The following RBMS2 variants were observed in gnomAD, a reference collection of about 807,000 sequenced individuals.
RBMS2 encodes RNA-binding motif, single-stranded-interacting protein 2.
RBMS2 carries 38 observed loss-of-function variants against 58.4 expected under a neutral mutation model. The ratio of observed to expected loss-of-function variants is 0.65; its 90% CI spans 0.50 to 0.85. The LOEUF is 0.85. RBMS2 is among the 40% of genes least tolerant of loss of function. The pLI is 0.00. For synonymous variants in RBMS2, 151 were observed against 180.7 expected (o/e 0.84, Z 1.32); for missense variants, 367 against 503.7 (o/e 0.73, Z 2.60).
At position 56,581,525 on chromosome 12, in the gene RBMS2, G is replaced by A. The variant is rs774595089; in HGVS notation, c.732+17G>A. 41 of 1,597,154 alleles carry A rather than the reference G, an allele frequency of 2.6e-5. No individual in the cohort carries two copies. The Admixed American group carries it at 6.8e-4, about 27-fold the overall frequency. The stretch of plus-strand genomic sequence containing the variant: ...GCAGACATGGTAAGAGGACCTCTGA[G>A]GAGACAGGAGTACTAACGACATTAA... On this transcript the variant is annotated intron_variant, in intron 7 of 13. Coordinates refer to ENST00000262031, the MANE Select transcript of RBMS2 (RefSeq NM_002898.4).
chr12:56,521,426 T>TGAA (rs1454049019), upstream of RBMS2, among the ~76,000 whole-genome samples: 1 of 31,638 alleles, frequency 3.2e-5, no homozygotes, highest in African/African-American at 6.8e-5. Flanking sequence ...AAACTCTGTC[T>TGAA]CAAAAAAAAA....
chr12:56,552,614 T>G (rs568276877), intron 1 of RBMS2, among the ~76,000 whole-genome samples: 3 of 152,072 alleles, frequency 2.0e-5, no homozygotes, highest in African/African-American at 7.2e-5. Context: ...ATCCCAACAC[T>G]TTGGGAGGCG....
At chr12:56,565,701 C>G (rs996928132) in intron 2 of RBMS2, among the ~76,000 whole-genome samples, 1 of 152,086 alleles carries the variant, frequency 6.6e-6, no homozygotes, top group Non-Finnish European at 1.5e-5. Context: ...GGGAGTTAAG[C>G]CTTTCTAGGA....
chr12:56,567,558 TG>T (rs1007153908), intron 2 of RBMS2, among the ~76,000 whole-genome samples: 2 of 152,124 alleles, frequency 1.3e-5, no homozygotes, highest in Non-Finnish European at 2.9e-5. Flanking sequence ...TTCTTAGAGC[TG>T]GGCATGGTGG....
At chr12:56,575,559 AC>A (rs910888508) in intron 5 of RBMS2, among the ~76,000 whole-genome samples, 3 of 132,340 alleles carry the variant, frequency 2.3e-5, no homozygotes, top group African/African-American at 8.6e-5. Context: ...TTACCCCTAC[AC>A]CCCCCCTCAA....
intron 4 of RBMS2, among the ~76,000 whole-genome samples, chr12:56,570,799 G>A (rs1191755134): frequency 6.6e-6 from 1 of 152,104 alleles, no homozygotes; most frequent in Non-Finnish European, 1.5e-5. Context: ...GGATGGTCTC[G>A]ATCTCCTGAC....
At position 56,590,017 on chromosome 12, in the gene RBMS2, A is replaced by G. The variant is rs1477518735; in HGVS notation, c.*884A>G. ...CCAGGCTTACTAAAGAGACAACTCC[A>G]CAGCCCTGGGAACACACCCTTGAGC... On this transcript the variant is annotated 3_prime_UTR_variant, in exon 14 of 14. Coordinates refer to ENST00000262031, the MANE Select transcript of RBMS2 (RefSeq NM_002898.4). The G allele has an allele frequency of 1.3e-5, 2 of 152,228 alleles. No homozygotes were observed. The highest frequency in any genetic ancestry group is 1.3e-4 in the Admixed American group (2 of 15,278). The allele number at this position is 152,228 out of a possible 1,614,324, so 9.4% of individuals were successfully genotyped here.
chr12:56,563,285 C>T (rs902693671), intron 2 of RBMS2, among the ~76,000 whole-genome samples: 6 of 152,258 alleles, frequency 3.9e-5, no homozygotes, highest in East Asian at 3.9e-4. Flanking sequence ...GGAAAGACTG[C>T]TGTCCTTACA....
intron 2 of RBMS2, among the ~76,000 whole-genome samples, chr12:56,567,892 C>G (rs1881638204): frequency 6.6e-6 from 1 of 151,996 alleles, no homozygotes; most frequent in Non-Finnish European, 1.5e-5. Context: ...CTAACACTCT[C>G]AAATCTTGAC....
At chr12:56,531,960 C>G (rs1365498006) in intron 1 of RBMS2, among the ~76,000 whole-genome samples, 1 of 151,848 alleles carries the variant, frequency 6.6e-6, no homozygotes, top group Admixed American at 6.6e-5. Flanking sequence ...TGGCTCAACG[C>G]TTGTAATTCC....
In RBMS2 at chr12:56,593,935, C is replaced by T. The variant is rs1714575637; in HGVS notation, c.*4802C>T. On this transcript the variant is annotated 3_prime_UTR_variant, in exon 14 of 14. Coordinates refer to ENST00000262031, the MANE Select transcript of RBMS2 (RefSeq NM_002898.4). ...AAAGGGTAATAGACCTTGTCAGTAACAGATAAGGAGTGGTAAGAGGACATT... is the reference window on the plus strand; with the variant it reads ...AAAGGGTAATAGACCTTGTCAGTAATAGATAAGGAGTGGTAAGAGGACATT... 6.6e-6 allele frequency: 1 copy of T among 152,244 alleles called. No individual in the cohort carries two copies. The highest frequency in any genetic ancestry group is 6.5e-5 in the Admixed American group (1 of 15,286). 9.4% of individuals were successfully genotyped at this position (152,244 alleles called of 1,614,324 possible).
chr12:56,570,319 G>A (rs919999914), intron 4 of RBMS2, among the ~76,000 whole-genome samples: 1 of 152,116 alleles, frequency 6.6e-6, no homozygotes, highest in Non-Finnish European at 1.5e-5. Flanking sequence ...AGCTTGTGGT[G>A]GTTTTGCAAC....
chr12:56,557,987 C>T (rs4759250), intron 1 of RBMS2, among the ~76,000 whole-genome samples: 73,516 of 144,468 alleles, frequency 0.51, 21,480 homozygotes, highest in East Asian at 0.71. Context: ...GATCCACCCG[C>T]CTCAGCCTCC....
At chr12:56,588,188 T>A (rs1434213714) in intron 11 of RBMS2, 106 bp from the exon 12 acceptor site, 1 of 879,842 alleles carries the variant, frequency 1.1e-6, no homozygotes. Flanking sequence ...TAAAATAGAA[T>A]CTCTGGGGTA....
chr12:56,542,704 A>G (rs1272820947), intron 1 of RBMS2, among the ~76,000 whole-genome samples: 2 of 150,862 alleles, frequency 1.3e-5, no homozygotes, highest in African/African-American at 4.9e-5. Context: ...GCACACCACT[A>G]TGTTAGGCTA....
intron 5 of RBMS2, among the ~76,000 whole-genome samples, chr12:56,577,222 G>A (rs1011382369): frequency 2.6e-5 from 4 of 151,544 alleles, no homozygotes; most frequent in South Asian, 2.1e-4. Context: ...TGGTCAACTC[G>A]GTGAAACCCT....
At chr12:56,546,988 T>C (rs554094916) in intron 1 of RBMS2, among the ~76,000 whole-genome samples, 1 of 152,300 alleles carries the variant, frequency 6.6e-6, no homozygotes, top group Admixed American at 6.5e-5. Context: ...ATAGCCATTC[T>C]AGTAGGTATA....
chr12:56,535,486 C>A (rs1874600026), intron 1 of RBMS2, among the ~76,000 whole-genome samples: 1 of 125,652 alleles, frequency 8.0e-6, no homozygotes, highest in Non-Finnish European at 1.7e-5. Context: ...CAGAGGGAGA[C>A]TCCATCTCAA....
chr12:56,540,989 T>C (rs928261023), intron 1 of RBMS2, among the ~76,000 whole-genome samples: 5 of 151,742 alleles, frequency 3.3e-5, no homozygotes, highest in African/African-American at 1.2e-4. Flanking sequence ...TAGTCGCAGC[T>C]ACTCGGGAGG....
Sources: allele counts gnomAD v4.1 joint callset (sites outside exome capture counted in the v4.1 genomes callset), GRCh38; gene constraint gnomAD v4.1.1; transcripts MANE v1.5; gene names NCBI Gene and HGNC (gene_info 2026-07-23, HGNC 2026-07-21).